The following XIRP2 variants were observed in gnomAD, a reference collection of about 807,000 sequenced individuals.
The protein encoded by XIRP2 is xin actin-binding repeat-containing protein 2.
A neutral mutation model predicts 277.0 loss-of-function variants in XIRP2; 236 were observed. The ratio of observed to expected loss-of-function variants is 0.85; its 90% CI spans 0.77 to 0.95. XIRP2 has a LOEUF of 0.95. Among genes scored for constraint, XIRP2 ranks in the 40% least tolerant of loss-of-function variants. The pLI, the probability that XIRP2 is intolerant of heterozygous loss-of-function variation, is 0.00. For missense variants in XIRP2, 4,640 were observed against 4,157.5 expected, an observed-to-expected ratio of 1.12 and a Z score of -3.19; for synonymous variants, 1,490 against 1,416.5, an observed-to-expected ratio of 1.05 and a Z score of -1.17.
At chr2:166,915,318 A>G (rs946599270) in intron 2 of XIRP2, among the ~76,000 whole-genome samples, 11 of 151,102 alleles carry the variant, frequency 7.3e-5, no homozygotes, top group Non-Finnish European at 1.2e-4. Flanking sequence ...AAAAAAAAAA[A>G]AAAAGAAAAA....
chr2:167,039,654 G>A (rs190497849), intron 2 of XIRP2, among the ~76,000 whole-genome samples: 1 of 152,306 alleles, frequency 6.6e-6, no homozygotes, highest in Admixed American at 6.5e-5. Flanking sequence ...AGTGGTGAAA[G>A]TCAAGGCTGA....
intron 2 of XIRP2, among the ~76,000 whole-genome samples, chr2:167,068,620 T>C (rs1558967775): frequency 6.6e-6 from 1 of 151,926 alleles, no homozygotes; most frequent in South Asian, 2.1e-4. Context: ...TTTTTTTTCC[T>C]TTTTTAAACT....
chr2:167,180,940 A>G (rs1692990946), intron 3 of XIRP2, among the ~76,000 whole-genome samples: 1 of 152,210 alleles, frequency 6.6e-6, no homozygotes, highest in African/African-American at 2.4e-5. Flanking sequence ...GATACTGTGC[A>G]AAGTTGCTGA....
chr2:167,165,965 T>A (rs1692510812), intron 3 of XIRP2, among the ~76,000 whole-genome samples: 1 of 152,216 alleles, frequency 6.6e-6, no homozygotes, highest in Non-Finnish European at 1.5e-5. Context: ...TTTTGTAGTT[T>A]TGCACTTTAC....
At chr2:166,988,624 G>A (rs1472255586) in intron 2 of XIRP2, among the ~76,000 whole-genome samples, 3 of 126,378 alleles carry the variant, frequency 2.4e-5, no homozygotes, top group Admixed American at 7.8e-5. Context: ...TGCGCGAGCC[G>A]AAGCAGGGCG....
At chr2:166,933,043 C>T (rs1035815079) in intron 2 of XIRP2, among the ~76,000 whole-genome samples, 3 of 151,682 alleles carry the variant, frequency 2.0e-5, no homozygotes, top group African/African-American at 7.3e-5. Context: ...TTGCATTTAA[C>T]TTTATAAAAT....
intron 2 of XIRP2, among the ~76,000 whole-genome samples, chr2:167,083,925 C>A: frequency 6.6e-6 from 1 of 151,280 alleles, no homozygotes; most frequent in South Asian, 2.1e-4. Flanking sequence ...AATTGAATAC[C>A]CTTTATTTCC....
chr2:167,033,434 A>G (rs1688421050), intron 2 of XIRP2, among the ~76,000 whole-genome samples: 1 of 152,178 alleles, frequency 6.6e-6, no homozygotes, highest in South Asian at 2.1e-4. Context: ...AACTTAAAGT[A>G]TAATAATTTT....
intron 2 of XIRP2, among the ~76,000 whole-genome samples, chr2:167,129,869 CAA>C (rs11335228): frequency 5.5e-4 from 53 of 96,996 alleles, no homozygotes; most frequent in South Asian, 4.0e-3. Context: ...AACTCAGTCT[CAA>C]AAAAAAAAAA....
At chr2:167,174,473 T>A (rs1474923992) in intron 3 of XIRP2, among the ~76,000 whole-genome samples, 5 of 152,188 alleles carry the variant, frequency 3.3e-5, no homozygotes, top group Non-Finnish European at 7.3e-5. Context: ...CCCTTTATTG[T>A]TTTTTATTGT....
At chr2:167,213,786 C>T (rs1694132107) in intron 4 of XIRP2, among the ~76,000 whole-genome samples, 1 of 152,162 alleles carries the variant, frequency 6.6e-6, no homozygotes, top group Non-Finnish European at 1.5e-5. Flanking sequence ...CATGTGTAAA[C>T]TTTCATCTAC....
intron 2 of XIRP2, among the ~76,000 whole-genome samples, chr2:166,984,811 T>A (rs1686959594): frequency 6.6e-6 from 1 of 152,166 alleles, no homozygotes; most frequent in Non-Finnish European, 1.5e-5. Flanking sequence ...TAAAGTGGAG[T>A]TCTGATATTG....
chr2:166,922,641 G>C (rs374409520), intron 2 of XIRP2, among the ~76,000 whole-genome samples: 154 of 151,602 alleles, frequency 1.0e-3, no homozygotes, highest in African/African-American at 3.5e-3. Flanking sequence ...ATATACTGCT[G>C]CATACACATA....
intron 2 of XIRP2, among the ~76,000 whole-genome samples, chr2:167,049,171 A>C (rs761649234): frequency 6.6e-6 from 1 of 150,876 alleles, no homozygotes; most frequent in Non-Finnish European, 1.5e-5. Context: ...AGCTCTAGGA[A>C]GTGTTCAAAA....
At chr2:166,979,369 C>CTTTTTTTTTTT (rs66909002) in intron 2 of XIRP2, among the ~76,000 whole-genome samples, 16 of 108,520 alleles carry the variant, frequency 1.5e-4, no homozygotes, top group Non-Finnish European at 2.1e-4. Flanking sequence ...CTTTTCTTTT[C>CTTTTTTTTTTT]TTTTTTTTTT....
At chr2:167,169,226 C>A (rs73021985) in intron 3 of XIRP2, among the ~76,000 whole-genome samples, 15,018 of 152,162 alleles carry the variant, frequency 0.099, 800 homozygotes, top group South Asian at 0.15. Flanking sequence ...CAAAATGATT[C>A]TTTTTCCCCT....
At chr2:167,195,605 T>C (rs1488264164) in intron 3 of XIRP2, among the ~76,000 whole-genome samples, 1 of 152,174 alleles carries the variant, frequency 6.6e-6, no homozygotes, top group Non-Finnish European at 1.5e-5. Flanking sequence ...CACTGGAAGA[T>C]GGGTCTGTGA....
intron 3 of XIRP2, among the ~76,000 whole-genome samples, chr2:167,184,911 C>G (rs1435670871): frequency 1.3e-5 from 2 of 152,092 alleles, no homozygotes; most frequent in Non-Finnish European, 2.9e-5. Flanking sequence ...TTTGAATGTA[C>G]TAAGTTTTGT....
chr2:166,920,562 C>T (rs922521405), intron 2 of XIRP2, among the ~76,000 whole-genome samples: 3 of 152,180 alleles, frequency 2.0e-5, no homozygotes, highest in South Asian at 2.1e-4. Flanking sequence ...ATATGCTTCT[C>T]ATAGTCAGTG....
Sources: allele counts gnomAD v4.1 joint callset (sites outside exome capture counted in the v4.1 genomes callset), GRCh38; gene constraint gnomAD v4.1.1; transcripts MANE v1.5; gene names NCBI Gene and HGNC (gene_info 2026-07-23, HGNC 2026-07-21).